The following ADGRL2 variants were observed in gnomAD, a reference collection of about 807,000 sequenced individuals.
ADGRL2 encodes calcium-independent alpha-latrotoxin receptor 2.
ADGRL2 carries 44 observed loss-of-function variants against 157.4 expected under a neutral mutation model. The observed-to-expected ratio is 0.28, with a 90% CI of 0.22 to 0.36. The LOEUF (loss-of-function observed/expected upper bound fraction) is 0.36. Among genes scored for constraint, ADGRL2 ranks in the 10% least tolerant of loss-of-function variants. ADGRL2 has a pLI of 1.00. For missense variants in ADGRL2, 1,510 were observed against 1,768.9 expected (o/e 0.85, Z 2.63); for synonymous variants, 585 against 624.7 (o/e 0.94, Z 0.95).
chr1:81,548,478 T>C (rs1486378884), intron 2 of ADGRL2, among the ~76,000 whole-genome samples: 1 of 151,842 alleles, frequency 6.6e-6, no homozygotes, highest in Non-Finnish European at 1.5e-5. Context: ...GTGAGTTAAA[T>C]GTCAATTAAA....
intron 2 of ADGRL2, among the ~76,000 whole-genome samples, chr1:81,786,036 G>A (rs938358156): frequency 2.0e-5 from 3 of 152,018 alleles, no homozygotes; most frequent in African/African-American, 7.2e-5. Context: ...CCTGGGAGGT[G>A]GAGGCTGCAG....
At chr1:81,642,463 C>T (rs2148808997) in intron 3 of ADGRL2, among the ~76,000 whole-genome samples, 1 of 150,326 alleles carries the variant, frequency 6.7e-6, no homozygotes, top group South Asian at 2.1e-4. Context: ...CCTTCAAAGA[C>T]ACAACCTGCC....
At chr1:81,410,096 A>C (rs1200610367) in intron 1 of ADGRL2, among the ~76,000 whole-genome samples, 2 of 152,216 alleles carry the variant, frequency 1.3e-5, no homozygotes, top group Non-Finnish European at 2.9e-5. Flanking sequence ...TTTACATGAA[A>C]GTCAGCCCAA....
intron 1 of ADGRL2, among the ~76,000 whole-genome samples, chr1:81,728,773 T>A (rs2084624392): frequency 6.6e-6 from 1 of 152,182 alleles, no homozygotes; most frequent in African/African-American, 2.4e-5. Flanking sequence ...TCTGCTGTAG[T>A]GCCTGTCCAT....
chr1:81,552,605 G>GAAAAAAAAAAAAAAAAAAAAAA (rs35795177), intron 2 of ADGRL2, among the ~76,000 whole-genome samples: 14 of 103,970 alleles, frequency 1.3e-4, no homozygotes, highest in Admixed American at 2.1e-4. Flanking sequence ...ACTTTACTTA[G>GAAAAAAAAAAAAAAAAAAAAAA]AAAAAAAAAA....
intron 1 of ADGRL2, among the ~76,000 whole-genome samples, chr1:81,325,938 C>A (rs947925805): frequency 6.7e-6 from 1 of 149,052 alleles, no homozygotes; most frequent in African/African-American, 2.4e-5. Flanking sequence ...TCTCACTAAG[C>A]ATTCATACCA....
chr1:81,562,421 G>A (rs1570510964), intron 2 of ADGRL2, among the ~76,000 whole-genome samples: 1 of 152,114 alleles, frequency 6.6e-6, no homozygotes, highest in Non-Finnish European at 1.5e-5. Context: ...TATGTTTAAT[G>A]TACTAAATTA....
intron 2 of ADGRL2, among the ~76,000 whole-genome samples, chr1:81,848,488 G>T (rs1331016243): frequency 6.6e-6 from 1 of 151,806 alleles, no homozygotes; most frequent in East Asian, 1.9e-4. Context: ...TTTAGCTTCA[G>T]ATCATTAGTA....
At chr1:81,439,900 T>C (rs1425387803) in intron 1 of ADGRL2, among the ~76,000 whole-genome samples, 2 of 152,186 alleles carry the variant, frequency 1.3e-5, no homozygotes, top group Non-Finnish European at 2.9e-5. Flanking sequence ...AGTTGAAGGA[T>C]GGGGAAGGCA....
At chr1:81,497,938 G>A (rs978515383) in intron 2 of ADGRL2, among the ~76,000 whole-genome samples, 5 of 152,172 alleles carry the variant, frequency 3.3e-5, no homozygotes, top group African/African-American at 9.7e-5. Context: ...AATTTGCAGT[G>A]GCTCATGCCT....
chr1:81,830,031 C>T (rs1203047680), intron 1 of ADGRL2, among the ~76,000 whole-genome samples: 1 of 152,164 alleles, frequency 6.6e-6, no homozygotes, highest in Non-Finnish European at 1.5e-5. Context: ...CTTAGCTTCT[C>T]ATCACATTTA....
intron 1 of ADGRL2, among the ~76,000 whole-genome samples, chr1:81,758,708 A>AGAGTTCACATTC (rs1301912457): frequency 6.6e-6 from 1 of 152,210 alleles, no homozygotes; most frequent in Non-Finnish European, 1.5e-5. Context: ...TCATATGCTA[A>AGAGTTCACATTC]CATTTCATGG....
intron 1 of ADGRL2, among the ~76,000 whole-genome samples, chr1:81,409,651 T>C (rs1053131884): frequency 6.6e-6 from 1 of 152,202 alleles, no homozygotes; most frequent in Non-Finnish European, 1.5e-5. Flanking sequence ...AAAGTACATC[T>C]CTTCTCATGG....
intron 4 of ADGRL2, among the ~76,000 whole-genome samples, chr1:81,939,054 A>G (rs975391699): frequency 6.6e-6 from 1 of 151,556 alleles, no homozygotes. Flanking sequence ...ACCAATTTCT[A>G]TCCCCAGTAA....
At chr1:81,989,739 A>T in intron 23 of ADGRL2, 4 of 1,606,634 alleles carry the variant, frequency 2.5e-6, no homozygotes, top group Non-Finnish European at 3.4e-6. Context: ...GTCTATCGTG[A>T]TGTTGGATGG....
intron 2 of ADGRL2, among the ~76,000 whole-genome samples, chr1:81,472,897 G>A (rs1286305590): frequency 6.6e-6 from 1 of 152,134 alleles, no homozygotes; most frequent in Non-Finnish European, 1.5e-5. Flanking sequence ...CATAGTGAAT[G>A]TTTTAGGAAG....
intron 2 of ADGRL2, among the ~76,000 whole-genome samples, chr1:81,541,680 T>C (rs1007520295): frequency 2.6e-5 from 4 of 152,160 alleles, no homozygotes; most frequent in Middle Eastern, 3.4e-3. Flanking sequence ...CTGGGCACGG[T>C]TGCTCACGCC....
chr1:81,554,858 A>G (rs892581799), intron 2 of ADGRL2, among the ~76,000 whole-genome samples: 4 of 152,144 alleles, frequency 2.6e-5, no homozygotes, highest in African/African-American at 9.7e-5. Context: ...GAGAAAGACT[A>G]TATGATCCCT....
At position 81,907,037 on chromosome 1, in the gene ADGRL2, C is replaced by A; in HGVS notation, c.94C>A (p.Pro32Thr). The A allele has an allele frequency of 6.2e-7, 1 of 1,613,694 alleles. No individual in the cohort carries two copies. Among genetic ancestry groups the A allele is most frequent in the Non-Finnish European group, 8.5e-7 (1 of 1,179,784 alleles). Residue 32 changes from proline to threonine, a missense_variant, in exon 3 of 24, where the codon CCA becomes ACA. This residue lies in a region of ADGRL2 where 361 missense variants were observed against 498.4 expected (regional missense o/e 0.72). Transcript: ENST00000686636. ...NTEGFSRAAL[P>T]FGLVRRELSC... ...TTAAGGTTTCAGCAGAGCAGCTTTA[C>A]CATTTGGGCTGGTGAGGCGAGAATT...
Sources: allele counts gnomAD v4.1 joint callset (sites outside exome capture counted in the v4.1 genomes callset), GRCh38; gene constraint gnomAD v4.1.1; regional missense constraint gnomAD v4.1.1; transcripts MANE v1.5; gene names NCBI Gene and HGNC (gene_info 2026-07-23, HGNC 2026-07-21).